Variants in STRN observed in about 807,000 individuals in gnomAD.
The protein encoded by STRN is protein phosphatase 2 regulatory subunit B'''alpha.
In STRN, 53 loss-of-function variants were observed where a neutral mutation model predicts 96.3. The observed-to-expected ratio is 0.55, with a 90% CI of 0.44 to 0.69. STRN has a LOEUF of 0.69. Among genes scored for constraint, STRN ranks in the 30% least tolerant of loss-of-function variants. The probability of loss-of-function intolerance (pLI) is 0.00; values close to 1 mark genes in which losing one functional copy is unlikely to be tolerated. For missense variants in STRN, 987 were observed against 963.9 expected, an observed-to-expected ratio of 1.02 and a Z score of -0.32; for synonymous variants, 428 against 355.9, an observed-to-expected ratio of 1.20 and a Z score of -2.28.
intron 14 of STRN, among the ~76,000 whole-genome samples, chr2:36,856,830 A>C (rs1410106238): frequency 6.6e-6 from 1 of 152,130 alleles, no homozygotes; most frequent in Non-Finnish European, 1.5e-5. Context: ...TTCTCGTGAT[A>C]GAGTTCTCAC....
At chr2:36,951,726 A>C (rs1558667089) in intron 1 of STRN, among the ~76,000 whole-genome samples, 1 of 152,230 alleles carries the variant, frequency 6.6e-6, no homozygotes, top group East Asian at 1.9e-4. Context: ...GAGAAATAAA[A>C]ATGCCCTTAG....
rs118188434 is a variant in STRN, at chr2:36,909,639, G to C, written c.413-4021C>G. Among the ~76,000 whole-genome samples the C allele has an allele frequency of 5.3e-5, 8 of 152,070 alleles. No homozygotes were observed. The East Asian group carries it at 1.5e-3, about 29-fold the overall frequency. ...TATTTGAAGAAATAATGGCTGAAAAGTGCCAAATTCCATGAAAACTATAAA... is the reference window on the plus strand; with the variant it reads ...TATTTGAAGAAATAATGGCTGAAAACTGCCAAATTCCATGAAAACTATAAA... On this transcript the variant is annotated intron_variant, in intron 3 of 17. Coordinates refer to ENST00000263918, the MANE Select transcript of STRN (RefSeq NM_003162.4).
rs1668019593 is a variant in STRN, at chr2:36,844,535, A to G, written c.*4921T>C. 6.6e-6 allele frequency: 1 copy of G among 152,148 alleles called. No individual in the cohort carries two copies. The highest frequency in any genetic ancestry group is 1.5e-5 in the Non-Finnish European group (1 of 68,016). The allele number at this position is 152,148 out of a possible 1,614,324, so 9.4% of individuals were successfully genotyped here. A position where few individuals can be genotyped will look rare whatever the true frequency, so the allele number is the denominator to read the frequency against. ...GAAAATTTGCATCAGAGAGATGACA[A>G]GCATGTGGTCCTGGTTAAATTAAAT... On this transcript the variant is annotated 3_prime_UTR_variant, in exon 18 of 18. Transcript: ENST00000263918.
At chr2:36,930,897 G>T (rs1421546723) in intron 1 of STRN, among the ~76,000 whole-genome samples, 1 of 151,990 alleles carries the variant, frequency 6.6e-6, no homozygotes, top group Non-Finnish European at 1.5e-5. Context: ...TTAGCCAGGT[G>T]TGGTGGCAAG....
At chr2:36,867,697 A>T in intron 12 of STRN, 117 bp downstream of exon 12, 1 of 611,484 alleles carries the variant, frequency 1.6e-6, no homozygotes, top group Non-Finnish European at 2.6e-6. Flanking sequence ...ATTCTTTTAC[A>T]TTAAAAAAAC....
intron 5 of STRN, 150 bp downstream of exon 5, chr2:36,902,434 T>C (rs1669710954): frequency 2.1e-6 from 1 of 482,724 alleles, no homozygotes; most frequent in East Asian, 3.6e-5. Context: ...CAATCCTTGT[T>C]ACCTTCTAAC....
At chr2:36,939,770 A>C (rs1354020971) in intron 1 of STRN, among the ~76,000 whole-genome samples, 2 of 152,196 alleles carry the variant, frequency 1.3e-5, no homozygotes, top group African/African-American at 2.4e-5. Context: ...GCATTTGCTG[A>C]ACAGAATAAA....
chr2:36,904,893 T>C (rs963143558), intron 4 of STRN, among the ~76,000 whole-genome samples: 1 of 152,122 alleles, frequency 6.6e-6, no homozygotes, highest in Non-Finnish European at 1.5e-5. Context: ...ATTTGCAAAT[T>C]TGGAGAATTC....
intron 1 of STRN, among the ~76,000 whole-genome samples, chr2:36,957,403 C>T (rs1377230578): frequency 6.6e-6 from 1 of 152,174 alleles, no homozygotes; most frequent in Non-Finnish European, 1.5e-5. Context: ...GCCTGGCCAA[C>T]ATGGCAAAAC....
chr2:36,907,438 C>G (rs1265989464), intron 3 of STRN, among the ~76,000 whole-genome samples: 1 of 152,174 alleles, frequency 6.6e-6, no homozygotes, highest in Admixed American at 6.5e-5. Flanking sequence ...TTCCCAGCTA[C>G]TCAGGAGGCT....
At chr2:36,892,017 G>A (rs1183439475) in intron 7 of STRN, among the ~76,000 whole-genome samples, 4 of 152,038 alleles carry the variant, frequency 2.6e-5, no homozygotes, top group Non-Finnish European at 4.4e-5. Flanking sequence ...AACTAAAAAC[G>A]TAAAAAAAGT....
intron 1 of STRN, among the ~76,000 whole-genome samples, chr2:36,935,564 G>T (rs1670680844): frequency 6.6e-6 from 1 of 152,146 alleles, no homozygotes; most frequent in East Asian, 1.9e-4. Flanking sequence ...TCTAAAGGCA[G>T]AAGCCTTCAT....
intron 1 of STRN, among the ~76,000 whole-genome samples, chr2:36,934,360 T>C (rs1016184280): frequency 1.3e-5 from 2 of 152,168 alleles, no homozygotes; most frequent in African/African-American, 4.8e-5. Flanking sequence ...TGCGTACATG[T>C]AAGAAACATA....
chr2:36,888,078 T>A (rs1669286489), intron 7 of STRN, among the ~76,000 whole-genome samples: 1 of 152,156 alleles, frequency 6.6e-6, no homozygotes, highest in Non-Finnish European at 1.5e-5. Flanking sequence ...ATTCCATACG[T>A]GCACTTTTTC....
intron 9 of STRN, among the ~76,000 whole-genome samples, chr2:36,880,651 T>C (rs1669047395): frequency 6.6e-6 from 1 of 152,160 alleles, no homozygotes; most frequent in South Asian, 2.1e-4. Context: ...GAATAGGAAT[T>C]GTTGAAGTTA....
At chr2:36,892,774 A>G (rs1393590197) in intron 7 of STRN, among the ~76,000 whole-genome samples, 1 of 152,220 alleles carries the variant, frequency 6.6e-6, no homozygotes, top group Non-Finnish European at 1.5e-5. Flanking sequence ...ATATCCCAGC[A>G]CCTTGGAAGG....
At position 36,838,837 on chromosome 2, in the gene STRN, A is replaced by C. The variant is rs1195686687; in HGVS notation, c.*10619T>G. Among the ~76,000 whole-genome samples, 1 of 152,202 alleles carries C rather than the reference A, an allele frequency of 6.6e-6. No homozygotes were observed. Among genetic ancestry groups the C allele is most frequent in the Non-Finnish European group, 1.5e-5 (1 of 68,038 alleles). ...AGACTTAGAGAAATTCTCATCCTAC[A>C]TTGTTAAATGAGAAATGTGAGATGC... On this transcript the variant is annotated 3_prime_UTR_variant, in exon 18 of 18. Coordinates refer to ENST00000263918, the MANE Select transcript of STRN (RefSeq NM_003162.4).
At chr2:36,940,815 C>T (rs558283594) in intron 1 of STRN, among the ~76,000 whole-genome samples, 86 of 128,050 alleles carry the variant, frequency 6.7e-4, no homozygotes, top group African/African-American at 2.5e-3. Context: ...GCAGCCTGGG[C>T]GACTGGGCAA....
chr2:36,886,226 T>G (rs1008243595), intron 8 of STRN, among the ~76,000 whole-genome samples: 4 of 152,140 alleles, frequency 2.6e-5, no homozygotes, highest in African/African-American at 9.7e-5. Context: ...GTGCCCTGTA[T>G]AGCATATAGT....
Sources: allele counts gnomAD v4.1 joint callset (sites outside exome capture counted in the v4.1 genomes callset), GRCh38; gene constraint gnomAD v4.1.1; transcripts MANE v1.5; gene names NCBI Gene and HGNC (gene_info 2026-07-23, HGNC 2026-07-21).